Variants in NEK1 observed in about 807,000 individuals in gnomAD.
NEK1 encodes the protein NIMA related kinase 1.
Under a neutral mutation model 182.1 loss-of-function variants are expected in NEK1, and 137 were observed. That is an observed-to-expected ratio of 0.75 (90% CI 0.65 to 0.87). NEK1 has a LOEUF of 0.87. Ranked by LOEUF, NEK1 falls within the 40% of genes least tolerant of loss-of-function variation. NEK1 has a pLI of 0.00. For synonymous variants in NEK1, 513 were observed against 492.2 expected, an observed-to-expected ratio of 1.04 and a Z score of -0.56; for missense variants, 1,391 against 1,494.4, an observed-to-expected ratio of 0.93 and a Z score of 1.14.
At chr4:169,511,768 C>T (rs747604591) in intron 19 of NEK1, among the ~76,000 whole-genome samples, 1 of 152,108 alleles carries the variant, frequency 6.6e-6, no homozygotes, top group African/African-American at 2.4e-5. Flanking sequence ...CACTTCATAG[C>T]CACATTCACT....
chr4:169,406,251 AC>A (rs1012638775), intron 32 of NEK1, among the ~76,000 whole-genome samples: 47 of 152,140 alleles, frequency 3.1e-4, no homozygotes, highest in African/African-American at 1.1e-3. Flanking sequence ...ATAGAGTGAC[AC>A]CCTGTCTCTT....
chr4:169,442,305 G>A (rs1330211646), intron 27 of NEK1, among the ~76,000 whole-genome samples: 2 of 151,938 alleles, frequency 1.3e-5, no homozygotes, highest in Non-Finnish European at 2.9e-5. Flanking sequence ...CATAACCTAA[G>A]ACACACAGGA....
intron 26 of NEK1, among the ~76,000 whole-genome samples, chr4:169,473,492 A>T (rs1193306484): frequency 6.6e-6 from 1 of 152,184 alleles, no homozygotes; most frequent in Non-Finnish European, 1.5e-5. Flanking sequence ...CAATATATAC[A>T]TGTAACAAAC....
intron 35 of NEK1, among the ~76,000 whole-genome samples, chr4:169,397,801 A>G (rs1730973132): frequency 6.6e-6 from 1 of 152,206 alleles, no homozygotes; most frequent in Non-Finnish European, 1.5e-5. Context: ...TACCTTGTGA[A>G]TAAGTTGATT....
At chr4:169,408,201 G>A (rs1320447497) in intron 31 of NEK1, among the ~76,000 whole-genome samples, 1 of 152,112 alleles carries the variant, frequency 6.6e-6, no homozygotes, top group African/African-American at 2.4e-5. Flanking sequence ...GATAAATTCT[G>A]GCCCTGGTAA....
intron 19 of NEK1, among the ~76,000 whole-genome samples, chr4:169,526,633 G>C (rs1442839384): frequency 3.3e-5 from 5 of 152,212 alleles, no homozygotes; most frequent in Non-Finnish European, 1.5e-5. Flanking sequence ...TCCCAAAGCA[G>C]TTAATAAATA....
intron 19 of NEK1, among the ~76,000 whole-genome samples, chr4:169,521,312 C>T (rs1420150699): frequency 1.3e-4 from 3 of 23,556 alleles, no homozygotes; most frequent in Non-Finnish European, 2.7e-4. Flanking sequence ...GGAAAGGGAA[C>T]TCCCTGACCC....
intron 23 of NEK1, among the ~76,000 whole-genome samples, chr4:169,487,140 T>G (rs1306863531): frequency 6.6e-6 from 1 of 152,160 alleles, no homozygotes; most frequent in Non-Finnish European, 1.5e-5. Context: ...AGAATCACAA[T>G]AGTTAAGGCA....
intron 5 of NEK1, among the ~76,000 whole-genome samples, chr4:169,595,942 A>C (rs932543521): frequency 4.0e-5 from 6 of 151,350 alleles, no homozygotes; most frequent in African/African-American, 1.5e-4. Context: ...AAAAAAAAAA[A>C]AAGGAAATAT....
At position 169,446,779 on chromosome 4, in the gene NEK1, T is replaced by C. The variant is rs540527738; in HGVS notation, c.2588-8520A>G. ...TGCAACTGGCATACTGATGAATGCA[T>C]AAGAGTCCTTTAATAGCAGAACACA... is the stretch of plus-strand genomic sequence containing the variant. On this transcript the variant is annotated intron_variant, in intron 27 of 35. Transcript: ENST00000507142. 3.9e-5 allele frequency among the ~76,000 whole-genome samples: 6 copies of C among 152,256 alleles called. No individual in the cohort carries two copies. In the East Asian group the frequency reaches 1.2e-3, roughly 29 times the overall value.
intron 23 of NEK1, among the ~76,000 whole-genome samples, chr4:169,502,542 G>A (rs1425894309): frequency 4.6e-5 from 7 of 152,032 alleles, no homozygotes; most frequent in Admixed American, 4.6e-4. Context: ...GTATGATCAA[G>A]TGAGCCTTAT....
intron 27 of NEK1, among the ~76,000 whole-genome samples, chr4:169,452,125 T>G (rs1450176242): frequency 6.6e-6 from 1 of 152,158 alleles, no homozygotes; most frequent in Admixed American, 6.5e-5. Flanking sequence ...CAGGAAGAAG[T>G]TGAATCCCTG....
intron 26 of NEK1, among the ~76,000 whole-genome samples, chr4:169,472,482 C>T (rs143377484): frequency 2.0e-5 from 3 of 152,304 alleles, no homozygotes; most frequent in South Asian, 4.1e-4. Context: ...CTAACCAGTC[C>T]CAATGAGATG....
intron 33 of NEK1, among the ~76,000 whole-genome samples, 156 bp from the exon 34 acceptor site, chr4:169,400,807 T>C (rs886997774): frequency 2.0e-5 from 3 of 152,152 alleles, no homozygotes; most frequent in Non-Finnish European, 2.9e-5. Context: ...ATTTGTCCTT[T>C]ATTTGGCAAA....
intron 17 of NEK1, 23 bp downstream of exon 17, chr4:169,555,909 A>C: frequency 6.2e-7 from 1 of 1,613,326 alleles, no homozygotes; most frequent in Non-Finnish European, 8.5e-7. Flanking sequence ...AGCATAAGCA[A>C]CTTCTGCAGA....
chr4:169,568,319 T>C (rs1415192256), intron 12 of NEK1, among the ~76,000 whole-genome samples: 4 of 152,198 alleles, frequency 2.6e-5, no homozygotes, highest in Admixed American at 1.3e-4. Context: ...TGGATTACAT[T>C]TGTAAACCAT....
intron 27 of NEK1, among the ~76,000 whole-genome samples, chr4:169,439,406 C>T (rs961813618): frequency 1.3e-5 from 2 of 152,204 alleles, no homozygotes; most frequent in Non-Finnish European, 2.9e-5. Context: ...CTCTTTACTT[C>T]TTTCTAGTCA....
intron 12 of NEK1, among the ~76,000 whole-genome samples, chr4:169,575,770 A>G (rs1356710807): frequency 2.6e-5 from 4 of 152,130 alleles, no homozygotes; most frequent in Non-Finnish European, 4.4e-5. Context: ...AGCTACTGCC[A>G]TACCCTACCC....
chr4:169,539,693 C>G (rs1424134218), intron 18 of NEK1, among the ~76,000 whole-genome samples: 3 of 152,132 alleles, frequency 2.0e-5, no homozygotes, highest in African/African-American at 7.2e-5. Context: ...GATGAACCTT[C>G]AGGTATGATG....
Sources: allele counts gnomAD v4.1 joint callset (sites outside exome capture counted in the v4.1 genomes callset), GRCh38; gene constraint gnomAD v4.1.1; transcripts MANE v1.5; gene names NCBI Gene and HGNC (gene_info 2026-07-23, HGNC 2026-07-21).